The following POLDIP3 variants were observed in gnomAD, a reference collection of about 807,000 sequenced individuals.
The protein encoded by POLDIP3 is polymerase delta-interacting protein 3.
A neutral mutation model predicts 45.1 loss-of-function variants in POLDIP3; 14 were observed. The ratio of observed to expected loss-of-function variants is 0.31; its 90% CI spans 0.20 to 0.49. The LOEUF (loss-of-function observed/expected upper bound fraction) is 0.49, where lower values mean the gene tolerates loss of function less well. Among genes scored for constraint, POLDIP3 ranks in the 20% least tolerant of loss-of-function variants. POLDIP3 has a pLI of 0.99. For synonymous variants in POLDIP3, 223 were observed against 205.2 expected, an observed-to-expected ratio of 1.09 and a Z score of -0.74; for missense variants, 511 against 538.8, an observed-to-expected ratio of 0.95 and a Z score of 0.51.
intron 1 of POLDIP3, among the ~76,000 whole-genome samples, chr22:42,607,416 G>C (rs985851689): frequency 1.3e-5 from 2 of 152,242 alleles, no homozygotes; most frequent in African/African-American, 4.8e-5. Context: ...ATCAGTGCTC[G>C]TTGCCCAGGC....
chr22:42,596,451 C>A (rs1481834745), intron 4 of POLDIP3, 86 bp from the exon 5 acceptor site: 2 of 1,321,304 alleles, frequency 1.5e-6, no homozygotes, highest in East Asian at 2.4e-5. Context: ...TTGCTGAGAG[C>A]ATGAACCCTC....
intron 1 of POLDIP3, among the ~76,000 whole-genome samples, chr22:42,605,586 A>T (rs1926672889): frequency 6.6e-6 from 1 of 152,168 alleles, no homozygotes; most frequent in African/African-American, 2.4e-5. Flanking sequence ...TCATTTATAC[A>T]ATTAATCAGA....
chr22:42,590,812 T>TATAA (rs1303235233), intron 7 of POLDIP3, among the ~76,000 whole-genome samples: 4 of 152,228 alleles, frequency 2.6e-5, no homozygotes, highest in Admixed American at 6.5e-5. Context: ...GGCTCATGCC[T>TATAA]ATAATCCTAG....
At chr22:42,608,703 T>C (rs1199436919) in intron 1 of POLDIP3, among the ~76,000 whole-genome samples, 1 of 152,108 alleles carries the variant, frequency 6.6e-6, no homozygotes, top group Non-Finnish European at 1.5e-5. Flanking sequence ...CATACCACAA[T>C]GCCTGCCTGG....
At chr22:42,605,348 C>T (rs972845028) in intron 1 of POLDIP3, among the ~76,000 whole-genome samples, 1 of 152,218 alleles carries the variant, frequency 6.6e-6, no homozygotes, top group East Asian at 1.9e-4. Flanking sequence ...AGGATGCTGT[C>T]GATCTCCTGA....
In POLDIP3 at chr22:42,585,349, C is replaced by G. The variant is rs1653176635; in HGVS notation, c.*442G>C. The G allele has an allele frequency of 2.2e-6, 1 of 451,108 alleles. No individual in the cohort carries two copies. The highest frequency in any genetic ancestry group is 2.0e-5 in the African/African-American group (1 of 49,650). 27.9% of individuals were successfully genotyped at this position (451,108 alleles called of 1,614,324 possible). A position where few individuals can be genotyped will look rare whatever the true frequency, so the allele number is the denominator to read the frequency against. On this transcript the variant is annotated 3_prime_UTR_variant, in exon 9 of 9. Transcript: ENST00000252115. ...CCGTCAGGACACCAGGGCTCTCCAT[C>G]CCCTCCATTGTTTGAAAAGCTTAAT...
At chr22:42,603,974 A>C (rs1456217535) in intron 1 of POLDIP3, among the ~76,000 whole-genome samples, 2 of 152,200 alleles carry the variant, frequency 1.3e-5, no homozygotes, top group Non-Finnish European at 2.9e-5. Flanking sequence ...GAAACTCCAT[A>C]AACAGGCCCC....
At chr22:42,587,928 T>G (rs976247282) in intron 7 of POLDIP3, among the ~76,000 whole-genome samples, 1 of 152,226 alleles carries the variant, frequency 6.6e-6, no homozygotes, top group South Asian at 2.1e-4. Context: ...AAAAGCATTA[T>G]GTACAGGCTT....
chr22:42,594,894 GA>G (rs1407433222), intron 6 of POLDIP3, among the ~76,000 whole-genome samples: 1 of 152,202 alleles, frequency 6.6e-6, no homozygotes, highest in African/African-American at 2.4e-5. Flanking sequence ...TGCCCAGTGG[GA>G]CTAAAGGATC....
At chr22:42,604,223 A>G (rs2146826539) in intron 1 of POLDIP3, among the ~76,000 whole-genome samples, 1 of 151,540 alleles carries the variant, frequency 6.6e-6, no homozygotes, top group South Asian at 2.1e-4. Flanking sequence ...CTCCAGGCCA[A>G]CTCTCCTCTG....
intron 7 of POLDIP3, among the ~76,000 whole-genome samples, chr22:42,589,242 C>CAAAAA (rs548287361): frequency 7.7e-5 from 5 of 64,670 alleles, no homozygotes. Flanking sequence ...GACTCCGTCT[C>CAAAAA]AAAAAAAAAA....
chr22:42,594,934 T>C (rs1329935435), intron 6 of POLDIP3, among the ~76,000 whole-genome samples: 1 of 152,192 alleles, frequency 6.6e-6, no homozygotes, highest in Non-Finnish European at 1.5e-5. Flanking sequence ...AGCATAGATA[T>C]CCCCTGACTC....
At chr22:42,605,959 T>C (rs372889982) in intron 1 of POLDIP3, among the ~76,000 whole-genome samples, 2 of 151,908 alleles carry the variant, frequency 1.3e-5, no homozygotes, top group Non-Finnish European at 2.9e-5. Flanking sequence ...CTGGCCAACA[T>C]GGTGAAACCC....
In POLDIP3 at chr22:42,603,152, G is replaced by C; in HGVS notation, c.68C>G (p.Ala23Gly). The part of the protein sequence containing the change: ...RGAAAKGRLN[A>G]RPGVGGVRSR... Reference sequence around the variant, plus strand: ...TCGGACACCTCCAACTCCCGGTCTGGCATTAAGCCTGTAAATATAAATTGC... The same window carrying C: ...TCGGACACCTCCAACTCCCGGTCTGCCATTAAGCCTGTAAATATAAATTGC... The change falls in exon 2 of 9, where the codon GCC (alanine) becomes GGC (glycine). Residue 23 changes from alanine (A) to glycine (G), a missense_variant. Ala to Gly is a moderately conservative substitution (Grantham distance 60). Around this residue, in one of 4 missense-constraint regions of POLDIP3, gnomAD observed 378 missense variants for 352.3 expected, o/e 1.07. Coordinates refer to ENST00000252115, the MANE Select transcript of POLDIP3 (RefSeq NM_032311.5). 2 of 1,613,410 alleles carry C rather than the reference G, an allele frequency of 1.2e-6. No individual in the cohort carries two copies. The highest frequency in any genetic ancestry group is 1.7e-6 in the Non-Finnish European group (2 of 1,179,456).
In POLDIP3 at chr22:42,595,613, G is replaced by C. The variant is rs750876956; in HGVS notation, c.815C>G (p.Pro272Arg). 17 of 1,613,748 alleles carry C rather than the reference G, an allele frequency of 1.1e-5. 1 individual carries two copies. In the South Asian group the frequency reaches 1.6e-4, roughly 16 times the overall value. ...EPPKELPAAE[P>R]VLSPLEGTKM... is the part of the protein sequence containing the mutation. ...GGTGCCTTCCAATGGGCTGAGAACA[G>C]GCTGCCACACAGACAAGAGCATTAC... The change falls in exon 6 of 9, where the codon CCT (proline) becomes CGT (arginine). Residue 272 changes from proline to arginine, a missense_variant and splice_region_variant. Physicochemically the swap from Pro to Arg is moderately radical, Grantham distance 103. Coordinates refer to ENST00000252115, the MANE Select transcript of POLDIP3 (RefSeq NM_032311.5).
At chr22:42,614,736 C>A (rs1425175906) in intron 1 of POLDIP3, 63 bp downstream of exon 1, 1 of 1,568,810 alleles carries the variant, frequency 6.4e-7, no homozygotes, top group East Asian at 2.3e-5. Flanking sequence ...ATCGCTACCT[C>A]CCCCGCCTCG....
rs187218741 is a variant in POLDIP3, at chr22:42,605,832, T to C, written c.60-2672A>G. On this transcript the variant is annotated intron_variant, in intron 1 of 8. Transcript: ENST00000252115. Reference sequence around the variant, plus strand: ...GCCATAGACAAACTGGGACTATGCTTTGGGGTGACCTCAGAAACTTGCAGC... The same window carrying C: ...GCCATAGACAAACTGGGACTATGCTCTGGGGTGACCTCAGAAACTTGCAGC... Among the ~76,000 whole-genome samples, 2 of 152,264 alleles carry C rather than the reference T, an allele frequency of 1.3e-5. 1 individual carries two copies. Among genetic ancestry groups the C allele is most frequent in the Non-Finnish European group, 2.9e-5 (2 of 68,006 alleles).
chr22:42,609,332 C>G (rs965155795), intron 1 of POLDIP3, among the ~76,000 whole-genome samples: 1 of 152,222 alleles, frequency 6.6e-6, no homozygotes, highest in African/African-American at 2.4e-5. Flanking sequence ...AGCTCTGCAA[C>G]TGCTTCCAGG....
chr22:42,607,110 C>CA lies in POLDIP3; in HGVS notation c.60-3951dup, dbSNP rs933120735. Among the ~76,000 whole-genome samples, 23 of 152,118 alleles carry CA rather than the reference C, an allele frequency of 1.5e-4. 1 individual carries two copies. Among genetic ancestry groups the CA allele is most frequent in the Admixed American group, 5.2e-4 (8 of 15,278 alleles). On this transcript the variant is annotated intron_variant, in intron 1 of 8. Transcript: ENST00000252115. Reference sequence around the variant, plus strand: ...CAAAACCCTGTCTCTACAAAAGATACAAAAAAAATTCCCTCCCCCTCCCCC... The same window carrying CA: ...CAAAACCCTGTCTCTACAAAAGATACAAAAAAAAATTCCCTCCCCCTCCCCC...
Sources: gnomAD v4.1 joint callset for allele counts (sites outside exome capture counted in the v4.1 genomes callset) on GRCh38, gnomAD v4.1.1 for gene constraint, gnomAD v4.1.1 regional missense constraint, MANE v1.5 for transcripts, NCBI Gene and HGNC (gene_info 2026-07-23, HGNC 2026-07-21) for gene names.